EPB41L1: variants seen among roughly 807,000 people sequenced by gnomAD.
EPB41L1 encodes the protein erythrocyte membrane protein band 4.1 like 1, also known as band 4.1-like protein 1.
In EPB41L1, 29 loss-of-function variants were observed where a neutral mutation model predicts 97.8. That is an observed-to-expected ratio of 0.30 (90% CI 0.22 to 0.40). The LOEUF (loss-of-function observed/expected upper bound fraction) is 0.40, where lower values mean the gene tolerates loss of function less well. EPB41L1 is among the 10% of genes least tolerant of loss of function. The pLI is 1.00. For synonymous variants in EPB41L1, 383 were observed against 459.2 expected (o/e 0.83, Z 2.12); for missense variants, 812 against 1,162.3 (o/e 0.70, Z 4.38).
At chr20:36,169,109 C>G (rs1328250715) in intron 1 of EPB41L1, among the ~76,000 whole-genome samples, 1 of 151,516 alleles carries the variant, frequency 6.6e-6, no homozygotes, top group African/African-American at 2.4e-5. Context: ...ACCTGTAATC[C>G]CAGTTACTCG....
intron 1 of EPB41L1, among the ~76,000 whole-genome samples, chr20:36,159,309 G>A (rs1471310956): frequency 6.6e-6 from 1 of 152,142 alleles, no homozygotes; most frequent in East Asian, 1.9e-4. Flanking sequence ...AGTAAATTGG[G>A]ACTAAGTGTC....
chr20:36,180,540 T>C (rs1256130594), intron 5 of EPB41L1, among the ~76,000 whole-genome samples: 1 of 152,166 alleles, frequency 6.6e-6, no homozygotes, highest in Non-Finnish European at 1.5e-5. Flanking sequence ...TTCTTCTTGC[T>C]TCCCTGAGGC....
chr20:36,195,500 C>T lies in EPB41L1; in HGVS notation c.1485+136C>T. ...ACTTCATCTCTGCTCCCCAGCCATC[C>T]CCCTCTGCAGCCGTCCTTGCTCCCC... On this transcript the variant is annotated intron_variant, in intron 13 of 21. Coordinates refer to ENST00000338074, the MANE Select transcript of EPB41L1 (RefSeq NM_012156.2). This position sits in a 1 kb window ranked among gnomAD's most constrained non-coding sequence, Gnocchi z 4.6. The T allele has an allele frequency of 3.8e-6, 4 of 1,049,610 alleles. No homozygotes were observed. The highest frequency in any genetic ancestry group is 5.8e-6 in the Non-Finnish European group (4 of 691,752). The allele number at this position is 1,049,610 out of a possible 1,614,324, so 65.0% of individuals were successfully genotyped here.
Position 36,206,193 on chromosome 20 carries a change from G to C in EPB41L1, c.1669-3295G>C, listed in dbSNP as rs768505924. 3.1e-5 allele frequency: 40 copies of C among 1,289,774 alleles called. No homozygotes were observed. In the South Asian group the frequency reaches 4.6e-4, roughly 15 times the overall value. The allele number at this position is 1,289,774 out of a possible 1,614,324, so 79.9% of individuals were successfully genotyped here. On this transcript the variant is annotated intron_variant, in intron 14 of 21. Coordinates refer to ENST00000338074, the MANE Select transcript of EPB41L1 (RefSeq NM_012156.2). The surrounding 1 kb of genome is among the most constrained non-coding windows in gnomAD (Gnocchi z 5.5). ...GCACATTGGCAGAAAAGCTCCTCGA[G>C]GGCTCTGAGCTCAGGGCAGACACCA...
intron 14 of EPB41L1, among the ~76,000 whole-genome samples, chr20:36,201,865 G>A (rs373586837): frequency 6.6e-6 from 1 of 152,268 alleles, no homozygotes; most frequent in Admixed American, 6.5e-5. Flanking sequence ...CCCAATATCT[G>A]CCGCTCCCCT....
intron 1 of EPB41L1, among the ~76,000 whole-genome samples, chr20:36,165,686 G>A (rs951573268): frequency 1.3e-5 from 2 of 152,170 alleles, no homozygotes; most frequent in African/African-American, 4.8e-5. Flanking sequence ...GCGACAGAGC[G>A]AGAATCCATC....
Position 36,190,852 on chromosome 20 carries a change from G to C in EPB41L1, c.1300+55G>C. On this transcript the variant is annotated intron_variant, in intron 11 of 21. Coordinates refer to ENST00000338074, the MANE Select transcript of EPB41L1 (RefSeq NM_012156.2). This position sits in a 1 kb window ranked among gnomAD's most constrained non-coding sequence, Gnocchi z 5.8. ...GAATGGTCTTCAGAGGGAACTGGGG[G>C]AGTGGGCATGCTGGGTTCTGCAGAA... 1 of 1,599,654 alleles carries C rather than the reference G, an allele frequency of 6.3e-7. No homozygotes were observed. The highest frequency in any genetic ancestry group is 8.5e-7 in the Non-Finnish European group (1 of 1,175,940).
At position 36,206,450 on chromosome 20, in the gene EPB41L1, C is replaced by A. The variant is rs1217349662; in HGVS notation, c.1669-3038C>A. On this transcript the variant is annotated intron_variant, in intron 14 of 21. Transcript: ENST00000338074. The surrounding 1 kb of genome is among the most constrained non-coding windows in gnomAD (Gnocchi z 5.5). ...GCTGAGTTGAGCAATGAAACTGATA[C>A]TTCCTTTGCAGAGAGGAGCTTCTAT... 2.3e-6 allele frequency: 3 copies of A among 1,289,768 alleles called. No homozygotes were observed. Among genetic ancestry groups the A allele is most frequent in the South Asian group, 1.2e-5 (1 of 81,010 alleles). 79.9% of individuals were successfully genotyped at this position (1,289,768 alleles called of 1,614,324 possible). A position where few individuals can be genotyped will look rare whatever the true frequency, so the allele number is the denominator to read the frequency against.
intron 17 of EPB41L1, among the ~76,000 whole-genome samples, chr20:36,215,868 A>G (rs1264650169): frequency 6.6e-6 from 1 of 152,216 alleles, no homozygotes; most frequent in African/African-American, 2.4e-5. Flanking sequence ...CCCTGTATTT[A>G]GGTTCTGGGC....
At position 36,206,108 on chromosome 20, in the gene EPB41L1, T is replaced by TG. The variant is rs2062783336; in HGVS notation, c.1669-3375dup. On this transcript the variant is annotated intron_variant, in intron 14 of 21. Transcript: ENST00000338074. This position sits in a 1 kb window ranked among gnomAD's most constrained non-coding sequence, Gnocchi z 5.5. The stretch of plus-strand genomic sequence containing the variant: ...GCAAGTCCTGAAGACTTTGAGTCAG[T>TG]GGGGGAGGAAGGCCCCTGGATCAGG... 3 of 1,289,778 alleles carry TG rather than the reference T, an allele frequency of 2.3e-6. No individual in the cohort carries two copies. In the South Asian group the frequency reaches 3.7e-5, roughly 16 times the overall value. 79.9% of individuals were successfully genotyped at this position (1,289,778 alleles called of 1,614,324 possible). A position where few individuals can be genotyped will look rare whatever the true frequency, so the allele number is the denominator to read the frequency against.
intron 1 of EPB41L1, among the ~76,000 whole-genome samples, chr20:36,105,119 G>T (rs1346686584): frequency 6.6e-6 from 1 of 152,190 alleles, no homozygotes; most frequent in African/African-American, 2.4e-5. Flanking sequence ...GGGGAAATCA[G>T]GGGGTGGCTT....
chr20:36,207,112 GACC>G lies in EPB41L1; in HGVS notation c.1669-2375_1669-2373del. On this transcript the variant is annotated intron_variant, in intron 14 of 21. Coordinates refer to ENST00000338074, the MANE Select transcript of EPB41L1 (RefSeq NM_012156.2). The surrounding 1 kb of genome is among the most constrained non-coding windows in gnomAD (Gnocchi z 4.9). Reference sequence around the variant, plus strand: ...GCCAGCCTCCCCTGGTCATTCTGAGGACCTGGCAGCTCTGGAGGAAGCTTCTCC... The same window carrying G: ...GCCAGCCTCCCCTGGTCATTCTGAGGTGGCAGCTCTGGAGGAAGCTTCTCC... 7.8e-7 allele frequency: 1 copy of G among 1,289,432 alleles called. No homozygotes were observed. Among genetic ancestry groups the G allele is most frequent in the Non-Finnish European group, 1.0e-6 (1 of 988,544 alleles). 79.9% of individuals were successfully genotyped at this position (1,289,432 alleles called of 1,614,324 possible). A position where few individuals can be genotyped will look rare whatever the true frequency, so the allele number is the denominator to read the frequency against.
chr20:36,171,370 A>T (rs901212937), intron 1 of EPB41L1, among the ~76,000 whole-genome samples: 8 of 152,122 alleles, frequency 5.3e-5, no homozygotes, highest in African/African-American at 1.9e-4. Context: ...AGTGACAGAG[A>T]GCCTTTATTT....
intron 7 of EPB41L1, 80 bp downstream of exon 7, chr20:36,185,415 G>A (rs773388163): frequency 9.7e-5 from 129 of 1,336,258 alleles, no homozygotes; most frequent in East Asian, 3.0e-4. Context: ...GTCCTAGGCC[G>A]CCACATACTG....
At chr20:36,222,249 T>G in intron 20 of EPB41L1, 29 bp from the exon 21 acceptor site, 1 of 1,571,370 alleles carries the variant, frequency 6.4e-7, no homozygotes, top group Non-Finnish European at 8.8e-7. Flanking sequence ...TAGTTCATGG[T>G]TCCTTCCTTT....
Position 36,195,284 on chromosome 20 carries a change from C to T in EPB41L1, c.1450-45C>T. Reference sequence around the variant, plus strand: ...TCGTGGTATCTCTAATCCATCTGCTCTACTGACCCTGCTGCTTTCTTTCCC... The same window carrying T: ...TCGTGGTATCTCTAATCCATCTGCTTTACTGACCCTGCTGCTTTCTTTCCC... On this transcript the variant is annotated intron_variant, in intron 12 of 21. Transcript: ENST00000338074. The surrounding 1 kb of genome is among the most constrained non-coding windows in gnomAD (Gnocchi z 4.6). 1.2e-6 allele frequency: 2 copies of T among 1,613,166 alleles called. No individual in the cohort carries two copies. Among genetic ancestry groups the T allele is most frequent in the Non-Finnish European group, 1.7e-6 (2 of 1,179,242 alleles).
intron 2 of EPB41L1, chr20:36,125,334 A>G: frequency 1.5e-6 from 1 of 668,536 alleles, no homozygotes; most frequent in Non-Finnish European, 2.7e-6. Flanking sequence ...AGATGCTTGG[A>G]TTTCTATTTG....
chr20:36,091,590 C>T (rs1029031221), exon 1 of EPB41L1: 8 of 152,200 alleles, frequency 5.3e-5, no homozygotes, highest in African/African-American at 1.9e-4. Context: ...GGGATAATCC[C>T]AGCTGCCACT....
upstream of EPB41L1, chr20:36,150,568 G>C (rs750233022): frequency 1.3e-5 from 2 of 152,316 alleles, no homozygotes; most frequent in Non-Finnish European, 2.9e-5. Flanking sequence ...ATACCTGTCA[G>C]TCATATTCCG....
Sources: allele counts gnomAD v4.1 joint callset (sites outside exome capture counted in the v4.1 genomes callset), GRCh38; gene constraint gnomAD v4.1.1; non-coding constraint Gnocchi (gnomAD v3.1); transcripts MANE v1.5; gene names NCBI Gene and HGNC (gene_info 2026-07-23, HGNC 2026-07-21).